The following FAR2 variants were observed in gnomAD, a reference collection of about 807,000 sequenced individuals.
FAR2 encodes the protein fatty acyl-CoA reductase 2, also known as epididymis secretory protein Li 81.
Under a neutral mutation model 56.0 loss-of-function variants are expected in FAR2, and 19 were observed. That is an observed-to-expected ratio of 0.34 (90% confidence interval 0.24 to 0.50). The LOEUF is 0.50. FAR2 is among the 20% of genes least tolerant of loss of function. FAR2 has a pLI of 0.98. For missense variants in FAR2, 508 were observed against 642.2 expected (o/e 0.79, Z 2.26); for synonymous variants, 219 against 218.8 (o/e 1.00, Z -0.01).
intron 1 of FAR2, among the ~76,000 whole-genome samples, chr12:29,182,197 C>A (rs1266750793): frequency 6.6e-6 from 1 of 152,162 alleles, no homozygotes; most frequent in Non-Finnish European, 1.5e-5. Context: ...TGGTGTAGAC[C>A]CAAAGAGTGA....
intron 1 of FAR2, among the ~76,000 whole-genome samples, chr12:29,202,036 G>A (rs149829749): frequency 1.0e-3 from 158 of 152,144 alleles, no homozygotes; most frequent in African/African-American, 3.7e-3. Flanking sequence ...GGATTTTTTT[G>A]TGTATTTGAT....
chr12:29,214,947 T>C (rs528908420), intron 1 of FAR2, among the ~76,000 whole-genome samples: 3 of 152,242 alleles, frequency 2.0e-5, no homozygotes, highest in African/African-American at 7.2e-5. Flanking sequence ...GAGAAAGGCA[T>C]TCTTGAGAAA....
At chr12:29,149,904 G>A (rs1465940667) in intron 1 of FAR2, among the ~76,000 whole-genome samples, 2 of 152,134 alleles carry the variant, frequency 1.3e-5, no homozygotes, top group Non-Finnish European at 1.5e-5. Context: ...CCGCCAGGGC[G>A]CCCAGTCCTG....
chr12:29,294,293 A>G (rs1009487505), intron 3 of FAR2, among the ~76,000 whole-genome samples: 6 of 151,798 alleles, frequency 4.0e-5, no homozygotes, highest in Non-Finnish European at 7.4e-5. Flanking sequence ...CTATTTTTCT[A>G]TTGAAACATT....
intron 2 of FAR2, among the ~76,000 whole-genome samples, chr12:29,275,608 G>A (rs948233090): frequency 1.3e-5 from 2 of 152,078 alleles, no homozygotes; most frequent in Admixed American, 6.6e-5. Context: ...TTTGTTTTTC[G>A]ATGGGAGCCT....
At chr12:29,289,067 T>C (rs1948919002) in intron 2 of FAR2, among the ~76,000 whole-genome samples, 1 of 152,178 alleles carries the variant, frequency 6.6e-6, no homozygotes. Flanking sequence ...AAGTATTCCA[T>C]GTTCATGGAT....
intron 9 of FAR2, among the ~76,000 whole-genome samples, chr12:29,320,898 C>T (rs1376718057): frequency 6.6e-6 from 1 of 152,116 alleles, no homozygotes; most frequent in Non-Finnish European, 1.5e-5. Flanking sequence ...TGAGATTACA[C>T]AGCGCAGGTT....
intron 1 of FAR2, among the ~76,000 whole-genome samples, chr12:29,170,526 CTG>C (rs1212020428): frequency 6.6e-6 from 1 of 152,210 alleles, no homozygotes; most frequent in Admixed American, 6.5e-5. Context: ...ATAGGATACA[CTG>C]TGTTTTCTTT....
intron 1 of FAR2, among the ~76,000 whole-genome samples, chr12:29,244,819 C>T (rs941692561): frequency 8.5e-5 from 13 of 152,076 alleles, no homozygotes; most frequent in African/African-American, 3.1e-4. Context: ...AAGTCTCTAC[C>T]CTTAAAGAAC....
chr12:29,285,356 C>T (rs1948856544), intron 2 of FAR2, among the ~76,000 whole-genome samples: 1 of 152,196 alleles, frequency 6.6e-6, no homozygotes, highest in South Asian at 2.1e-4. Context: ...ATTTAAACTT[C>T]CAAAGCCAGT....
At chr12:29,171,599 T>G (rs1949886933) in intron 1 of FAR2, 1 of 145,400 alleles carries the variant, frequency 6.9e-6, no homozygotes, top group African/African-American at 2.6e-5. Flanking sequence ...AGGAGTGCCT[T>G]TGCCGGCCTG....
chr12:29,200,006 G>A (rs1413736626), intron 1 of FAR2, among the ~76,000 whole-genome samples: 1 of 152,140 alleles, frequency 6.6e-6, no homozygotes, highest in African/African-American at 2.4e-5. Flanking sequence ...TATGGGCTAT[G>A]ATAATATATC....
chr12:29,246,992 CATA>C (rs1054564438), intron 1 of FAR2, among the ~76,000 whole-genome samples: 28 of 152,176 alleles, frequency 1.8e-4, no homozygotes, highest in African/African-American at 6.3e-4. Flanking sequence ...CATAATATTT[CATA>C]ATATTTCATA....
intron 1 of FAR2, among the ~76,000 whole-genome samples, chr12:29,158,900 G>C (rs929950983): frequency 6.6e-6 from 1 of 152,222 alleles, no homozygotes; most frequent in African/African-American, 2.4e-5. Flanking sequence ...ATCAAGGCTA[G>C]TATCCACATC....
At chr12:29,275,167 A>G (rs1370433948) in intron 2 of FAR2, among the ~76,000 whole-genome samples, 1 of 151,598 alleles carries the variant, frequency 6.6e-6, no homozygotes, top group Non-Finnish European at 1.5e-5. Flanking sequence ...AAAGAGAGTC[A>G]GCGAAGGGAG....
chr12:29,226,841 G>T (rs373054403), intron 1 of FAR2, among the ~76,000 whole-genome samples: 27 of 152,066 alleles, frequency 1.8e-4, no homozygotes, highest in East Asian at 7.7e-4. Flanking sequence ...CACATTTTTT[G>T]TGTGTGTAAT....
chr12:29,172,142 G>A (rs1949893489), intron 1 of FAR2: 1 of 148,200 alleles, frequency 6.7e-6, no homozygotes, highest in South Asian at 2.2e-4. Flanking sequence ...TGGGATGTGA[G>A]GAATGCCCTC....
intron 3 of FAR2, among the ~76,000 whole-genome samples, chr12:29,296,300 A>T (rs1189271528): frequency 6.6e-6 from 1 of 152,246 alleles, no homozygotes; most frequent in Non-Finnish European, 1.5e-5. Flanking sequence ...TATTCCTACC[A>T]CTGACGTTAC....
intron 1 of FAR2, among the ~76,000 whole-genome samples, chr12:29,250,041 C>T (rs1948182492): frequency 6.6e-6 from 1 of 152,184 alleles, no homozygotes; most frequent in Admixed American, 6.5e-5. Context: ...TTGTGCACCA[C>T]CTCCTTTCTG....
Sources: allele counts gnomAD v4.1 joint callset (sites outside exome capture counted in the v4.1 genomes callset), GRCh38; gene constraint gnomAD v4.1.1; transcripts MANE v1.5; gene names NCBI Gene and HGNC (gene_info 2026-07-23, HGNC 2026-07-21).